Variants in DGKG observed in about 807,000 individuals in gnomAD.
The protein encoded by DGKG is DAG kinase gamma.
Under a neutral mutation model 105.3 loss-of-function variants are expected in DGKG, and 78 were observed. The observed-to-expected ratio is 0.74, with a 90% CI of 0.62 to 0.89. The LOEUF is 0.89. Among genes scored for constraint, DGKG ranks in the 40% least tolerant of loss-of-function variants. The probability of loss-of-function intolerance (pLI) is 0.00; values close to 1 mark genes in which losing one functional copy is unlikely to be tolerated. For missense variants in DGKG, 958 were observed against 1,020.1 expected, an observed-to-expected ratio of 0.94 and a Z score of 0.83; for synonymous variants, 346 against 367.1, an observed-to-expected ratio of 0.94 and a Z score of 0.66.
chr3:186,332,638 T>G (rs1467016517), intron 1 of DGKG, among the ~76,000 whole-genome samples: 1 of 152,182 alleles, frequency 6.6e-6, no homozygotes, highest in Non-Finnish European at 1.5e-5. Flanking sequence ...CATTAGCAAG[T>G]TCTTCTTCAT....
intron 19 of DGKG, among the ~76,000 whole-genome samples, chr3:186,248,531 T>C (rs1248282805): frequency 6.6e-6 from 1 of 152,242 alleles, no homozygotes; most frequent in Non-Finnish European, 1.5e-5. Context: ...TGCATCAGAA[T>C]GATCTCAGGG....
intron 1 of DGKG, among the ~76,000 whole-genome samples, chr3:186,341,848 G>A (rs974460186): frequency 1.3e-4 from 20 of 152,272 alleles, no homozygotes; most frequent in African/African-American, 4.3e-4. Flanking sequence ...AAAAAATGAT[G>A]AGTTCATGTC....
At chr3:186,280,645 C>A in intron 8 of DGKG, 25 bp downstream of exon 8, 1 of 1,598,986 alleles carries the variant, frequency 6.3e-7, no homozygotes, top group Non-Finnish European at 8.6e-7. Context: ...CACTCCAAAG[C>A]CACCCCATCC....
chr3:186,189,880 C>G (rs1461756978), intron 21 of DGKG, among the ~76,000 whole-genome samples: 1 of 152,166 alleles, frequency 6.6e-6, no homozygotes, highest in Admixed American at 6.5e-5. Flanking sequence ...TGGTCCTGTT[C>G]TCCCTTCTGA....
In DGKG at chr3:186,148,661, G is replaced by C. The variant is rs539317357; in HGVS notation, c.*1429C>G. 1.0e-6 allele frequency: 1 copy of C among 985,290 alleles called. No homozygotes were observed. Among genetic ancestry groups the C allele is most frequent in the Non-Finnish European group, 1.2e-6 (1 of 829,854 alleles). The allele number at this position is 985,290 out of a possible 1,614,324, so 61.0% of individuals were successfully genotyped here. The stretch of plus-strand genomic sequence containing the variant: ...GCATTAGCCAAGACACCATGGAAAA[G>C]TCTCTGAACTTTTCTGAGACTCAAT... On this transcript the variant is annotated 3_prime_UTR_variant, in exon 25 of 25. Coordinates refer to ENST00000265022, the MANE Select transcript of DGKG (RefSeq NM_001346.3).
At chr3:186,245,094 C>T (rs1017145526) in intron 19 of DGKG, among the ~76,000 whole-genome samples, 5 of 152,182 alleles carry the variant, frequency 3.3e-5, no homozygotes, top group African/African-American at 1.2e-4. Context: ...TCCCCTACCC[C>T]CAATACTGCT....
At chr3:186,255,801 G>A (rs1472069999) in intron 17 of DGKG, among the ~76,000 whole-genome samples, 4 of 152,226 alleles carry the variant, frequency 2.6e-5, no homozygotes, top group African/African-American at 9.6e-5. Flanking sequence ...ACAGATCAGA[G>A]AGGGGACCAT....
At chr3:186,269,886 G>A (rs764751738) in intron 11 of DGKG, among the ~76,000 whole-genome samples, 2 of 152,146 alleles carry the variant, frequency 1.3e-5, no homozygotes, top group African/African-American at 4.8e-5. Context: ...TGCGGCTAAA[G>A]CAAGAGCAGC....
At chr3:186,319,701 C>T (rs1046079926) in intron 2 of DGKG, among the ~76,000 whole-genome samples, 8 of 151,796 alleles carry the variant, frequency 5.3e-5, no homozygotes, top group Non-Finnish European at 1.2e-4. Flanking sequence ...AGGTTCCTCT[C>T]ACCAATAAGG....
intron 11 of DGKG, among the ~76,000 whole-genome samples, chr3:186,270,060 G>A (rs2268831): frequency 0.81 from 122,832 of 152,110 alleles, 49,749 homozygotes; most frequent in African/African-American, 0.86. Context: ...GAAGTGCCTA[G>A]CCACAAGCAC....
chr3:186,292,316 G>A (rs1382901582), intron 5 of DGKG, among the ~76,000 whole-genome samples: 1 of 152,182 alleles, frequency 6.6e-6, no homozygotes, highest in African/African-American at 2.4e-5. Flanking sequence ...TTTGTGTTCA[G>A]TTGTGTGTGA....
intron 20 of DGKG, among the ~76,000 whole-genome samples, chr3:186,233,615 G>C (rs1720265907): frequency 6.6e-6 from 1 of 152,186 alleles, no homozygotes; most frequent in Non-Finnish European, 1.5e-5. Context: ...GAGTAGCTGG[G>C]ACTACAGGCG....
intron 21 of DGKG, among the ~76,000 whole-genome samples, chr3:186,195,711 T>G (rs1024108054): frequency 2.6e-5 from 4 of 152,186 alleles, no homozygotes; most frequent in African/African-American, 9.7e-5. Context: ...GTAGTAAGGC[T>G]GTAGTGTTGC....
chr3:186,161,340 A>C, intron 24 of DGKG: 1 of 1,322,990 alleles, frequency 7.6e-7, no homozygotes, highest in South Asian at 1.6e-5. Context: ...TTCACTGACT[A>C]GAACTGTGAA....
chr3:186,299,812 T>TCTTC (rs1560141879), intron 3 of DGKG, among the ~76,000 whole-genome samples: 9 of 104,688 alleles, frequency 8.6e-5, no homozygotes, highest in African/African-American at 3.3e-4. Flanking sequence ...TTTCTTTCTT[T>TCTTC]CTTTCTTTCT....
At chr3:186,202,243 G>T (rs1232904974) in intron 21 of DGKG, among the ~76,000 whole-genome samples, 4 of 152,212 alleles carry the variant, frequency 2.6e-5, no homozygotes, top group African/African-American at 4.8e-5. Flanking sequence ...ACGTGTGTGT[G>T]CACAGTGGTA....
At chr3:186,346,759 C>A (rs1363325166) in intron 1 of DGKG, among the ~76,000 whole-genome samples, 1 of 152,022 alleles carries the variant, frequency 6.6e-6, no homozygotes, top group Non-Finnish European at 1.5e-5. Flanking sequence ...ACGATGGGAT[C>A]AAAATATCTC....
chr3:186,296,213 C>T (rs1008906687), intron 5 of DGKG, among the ~76,000 whole-genome samples: 3 of 152,050 alleles, frequency 2.0e-5, no homozygotes, highest in Non-Finnish European at 4.4e-5. Context: ...AGGCACTGTT[C>T]TAAGCGTTAA....
In DGKG at chr3:186,345,356, G is replaced by A. The variant is rs150513305; in HGVS notation, c.-249+16590C>T. ...CAATATGAAGACTTTTATTAAAAAT[G>A]AGTGATTTAGCTTACTTATGTTAAT... On this transcript the variant is annotated intron_variant, in intron 1 of 24. Coordinates refer to ENST00000265022, the MANE Select transcript of DGKG (RefSeq NM_001346.3). 6.8e-4 allele frequency among the ~76,000 whole-genome samples: 103 copies of A among 152,258 alleles called. No homozygotes were observed. In the East Asian group the frequency reaches 0.011, roughly 17 times the overall value.
Sources: gnomAD v4.1 joint callset for allele counts (sites outside exome capture counted in the v4.1 genomes callset) on GRCh38, gnomAD v4.1.1 for gene constraint, MANE v1.5 for transcripts, NCBI Gene and HGNC (gene_info 2026-07-23, HGNC 2026-07-21) for gene names.